The following FGF12 variants were observed in gnomAD, a reference collection of about 807,000 sequenced individuals.
FGF12 encodes the protein fibroblast growth factor 12B.
A neutral mutation model predicts 23.6 loss-of-function variants in FGF12; 14 were observed. The ratio of observed to expected loss-of-function variants is 0.59; its 90% CI spans 0.39 to 0.93. FGF12 has a LOEUF of 0.93. Ranked by LOEUF, FGF12 falls within the 40% of genes least tolerant of loss-of-function variation. FGF12 has a pLI of 0.00. For synonymous variants in FGF12, 62 were observed against 77.3 expected, an observed-to-expected ratio of 0.80 and a Z score of 1.04; for missense variants, 175 against 217.8, an observed-to-expected ratio of 0.80 and a Z score of 1.24.
intron 4 of FGF12, among the ~76,000 whole-genome samples, chr3:192,274,760 A>G (rs1339278468): frequency 1.3e-5 from 2 of 152,244 alleles, no homozygotes; most frequent in African/African-American, 4.8e-5. Context: ...ACAAGGACAC[A>G]GTGTGGCACT....
At chr3:192,551,566 G>A (rs559028717) in intron 2 of FGF12, among the ~76,000 whole-genome samples, 1 of 152,324 alleles carries the variant, frequency 6.6e-6, no homozygotes, top group African/African-American at 2.4e-5. Flanking sequence ...GCTTCACTGA[G>A]CAACAAAAGC....
At chr3:192,356,927 A>C (rs1718497596) in intron 3 of FGF12, among the ~76,000 whole-genome samples, 1 of 152,200 alleles carries the variant, frequency 6.6e-6, no homozygotes, top group Non-Finnish European at 1.5e-5. Flanking sequence ...GTATATGTAA[A>C]ATTATTTGTT....
intron 2 of FGF12, among the ~76,000 whole-genome samples, chr3:192,559,783 C>A (rs1314497474): frequency 6.6e-6 from 1 of 151,838 alleles, no homozygotes; most frequent in African/African-American, 2.4e-5. Flanking sequence ...ACTCTCTGTA[C>A]TTTCCACTCA....
chr3:192,698,849 C>G (rs917713360), intron 2 of FGF12, among the ~76,000 whole-genome samples: 2 of 152,082 alleles, frequency 1.3e-5, no homozygotes, highest in African/African-American at 4.8e-5. Context: ...AAAAAGAAAC[C>G]ACAAAATACC....
chr3:192,518,460 TAAGACTA>T (rs1724734256), intron 2 of FGF12, among the ~76,000 whole-genome samples: 1 of 152,210 alleles, frequency 6.6e-6, no homozygotes, highest in Non-Finnish European at 1.5e-5. Context: ...ATTTTTCTAT[TAAGACTA>T]AACATAGGCA....
At chr3:192,430,220 T>C (rs560925971) in intron 2 of FGF12, among the ~76,000 whole-genome samples, 1 of 152,182 alleles carries the variant, frequency 6.6e-6, no homozygotes, top group East Asian at 1.9e-4. Context: ...TCTGTCACTA[T>C]GGATGAACTT....
intron 2 of FGF12, among the ~76,000 whole-genome samples, chr3:192,418,428 A>T (rs1721419615): frequency 6.6e-6 from 1 of 152,152 alleles, no homozygotes; most frequent in African/African-American, 2.4e-5. Flanking sequence ...CCAAGTCCTT[A>T]TATAATTTCA....
At position 192,696,702 on chromosome 3, in the gene FGF12, T is replaced by C. The variant is rs548172369; in HGVS notation, c.13+30479A>G. On this transcript the variant is annotated intron_variant, in intron 2 of 5. Coordinates refer to ENST00000445105, the MANE Select transcript of FGF12 (RefSeq NM_004113.6). ...GTAATCAGAAGAAATTATTGTTCTG[T>C]AGGCTTTATAGCAATGTTCTTAAAC... Among the ~76,000 whole-genome samples the C allele has an allele frequency of 3.3e-5, 5 of 152,218 alleles. 1 individual carries two copies. The East Asian group carries it at 9.7e-4, about 29-fold the overall frequency.
At chr3:192,528,482 C>T (rs1289444890) in intron 2 of FGF12, among the ~76,000 whole-genome samples, 2 of 152,228 alleles carry the variant, frequency 1.3e-5, no homozygotes, top group South Asian at 4.2e-4. Context: ...GTGTCTGCAG[C>T]TTTTCTAGGT....
intron 4 of FGF12, among the ~76,000 whole-genome samples, chr3:192,201,577 C>T (rs974642419): frequency 3.3e-5 from 5 of 152,242 alleles, no homozygotes; most frequent in East Asian, 1.9e-4. Flanking sequence ...TCTTGTAACC[C>T]GCAGAGCTTG....
chr3:192,321,577 C>T (rs1437734076), intron 4 of FGF12, among the ~76,000 whole-genome samples: 1 of 147,776 alleles, frequency 6.8e-6, no homozygotes, highest in Non-Finnish European at 1.5e-5. Context: ...CAACAAAATA[C>T]AGCAAACCAA....
At chr3:192,468,647 T>A (rs1723076203) in intron 2 of FGF12, among the ~76,000 whole-genome samples, 1 of 152,204 alleles carries the variant, frequency 6.6e-6, no homozygotes, top group Non-Finnish European at 1.5e-5. Flanking sequence ...GATGATTAAC[T>A]TTGATCACTT....
intron 2 of FGF12, among the ~76,000 whole-genome samples, chr3:192,518,575 G>A (rs1292352644): frequency 6.6e-6 from 1 of 152,136 alleles, no homozygotes; most frequent in East Asian, 1.9e-4. Flanking sequence ...AATCATGCCA[G>A]GTTGCAAAAC....
intron 2 of FGF12, among the ~76,000 whole-genome samples, chr3:192,420,595 C>G (rs1167217141): frequency 6.6e-6 from 1 of 152,092 alleles, no homozygotes; most frequent in Non-Finnish European, 1.5e-5. Context: ...GGGGTGTACC[C>G]CCTCTCTCTC....
intron 2 of FGF12, among the ~76,000 whole-genome samples, chr3:192,552,513 A>C (rs989459559): frequency 6.9e-6 from 1 of 145,284 alleles, no homozygotes; most frequent in Admixed American, 7.0e-5. Flanking sequence ...GATAATGGTA[A>C]AAAGAAAATC....
At chr3:192,333,518 C>T (rs1717232550) in intron 4 of FGF12, among the ~76,000 whole-genome samples, 1 of 151,742 alleles carries the variant, frequency 6.6e-6, no homozygotes, top group South Asian at 2.1e-4. Context: ...ATTATTTTGA[C>T]TGAAAATGTA....
At chr3:192,378,075 T>TTTCA (rs1719633394) in intron 2 of FGF12, among the ~76,000 whole-genome samples, 3 of 112,146 alleles carry the variant, frequency 2.7e-5, no homozygotes, top group East Asian at 5.5e-4. Context: ...TCTTTCTTTC[T>TTTCA]TTCTTTCTTT....
chr3:192,172,507 AC>A (rs1304959530), intron 4 of FGF12, among the ~76,000 whole-genome samples: 1 of 150,954 alleles, frequency 6.6e-6, no homozygotes, highest in Non-Finnish European at 1.5e-5. Flanking sequence ...TTATATTAAT[AC>A]TGAAATATGA....
At chr3:192,715,565 A>G (rs1013565119) in intron 2 of FGF12, among the ~76,000 whole-genome samples, 3 of 152,248 alleles carry the variant, frequency 2.0e-5, no homozygotes, top group African/African-American at 7.2e-5. Context: ...TCCTCTCTAT[A>G]TTCCCAAAAG....
Sources: allele counts gnomAD v4.1 joint callset (sites outside exome capture counted in the v4.1 genomes callset), GRCh38; gene constraint gnomAD v4.1.1; transcripts MANE v1.5; gene names NCBI Gene and HGNC (gene_info 2026-07-23, HGNC 2026-07-21).